MAT2B: variants seen among roughly 807,000 people sequenced by gnomAD.
MAT2B encodes the protein methionine adenosyltransferase 2 non-catalytic beta subunit, also known as methionine adenosyltransferase 2 subunit beta.
Under a neutral mutation model 36.1 loss-of-function variants are expected in MAT2B, and 16 were observed. That is an observed-to-expected ratio of 0.44 (90% confidence interval 0.30 to 0.67). The LOEUF is 0.67. MAT2B is among the 30% of genes least tolerant of loss of function. The pLI is 0.09. For synonymous variants in MAT2B, 148 were observed against 136.9 expected (o/e 1.08, Z -0.57); for missense variants, 332 against 398.2 (o/e 0.83, Z 1.42).
intron 4 of MAT2B, among the ~76,000 whole-genome samples, chr5:163,514,343 GTGTA>G (rs1368070573): frequency 2.6e-5 from 4 of 152,088 alleles, no homozygotes; most frequent in Non-Finnish European, 5.9e-5. Flanking sequence ...TGTGTTATAT[GTGTA>G]TGTATTTTGT....
At chr5:163,512,734 G>T (rs903401659) in intron 2 of MAT2B, 1 of 451,002 alleles carries the variant, frequency 2.2e-6, no homozygotes, top group African/African-American at 2.0e-5. Flanking sequence ...AGGCTGGAGT[G>T]CAGTGGTGCA....
chr5:163,503,383 A>G (rs1186604780), upstream of MAT2B: 1 of 1,613,886 alleles, frequency 6.2e-7, no homozygotes, highest in Admixed American at 1.7e-5. Context: ...CTCCTGAAAT[A>G]ATTCTGGAGT....
At chr5:163,511,844 G>T (rs1360283226) in intron 1 of MAT2B, among the ~76,000 whole-genome samples, 158 bp from the exon 2 acceptor site, 1 of 152,154 alleles carries the variant, frequency 6.6e-6, no homozygotes, top group African/African-American at 2.4e-5. Context: ...TGAGCCTGAT[G>T]CCCGACCCTA....
Position 163,513,882 on chromosome 5 carries a change from T to C in MAT2B, c.414T>C (p.Tyr138=), listed in dbSNP as rs755898060. 1.8e-5 allele frequency: 29 copies of C among 1,613,030 alleles called. No individual in the cohort carries two copies. The highest frequency in any genetic ancestry group is 1.9e-5 in the Non-Finnish European group (22 of 1,179,616). The change falls in exon 4 of 7, where the codon TAT becomes TAC. Residue 138 remains tyrosine (Y), a synonymous_variant. Transcript: ENST00000321757. ...TTCTCATCTACATTAGCTCAGATTA[T>C]GTATTTGATGGAACAAATCCACCTT... ...GAFLIYISSD[Y]VFDGTNPPYR...
At chr5:163,517,754 G>A (rs964433008) in intron 6 of MAT2B, 80 bp downstream of exon 6, 4 of 835,618 alleles carry the variant, frequency 4.8e-6, no homozygotes, top group Middle Eastern at 2.3e-4. Context: ...TCATTTCTCA[G>A]TACTAATCAA....
chr5:163,514,879 C>G (rs1436042101), intron 4 of MAT2B, among the ~76,000 whole-genome samples: 2 of 152,158 alleles, frequency 1.3e-5, no homozygotes, highest in Non-Finnish European at 2.9e-5. Flanking sequence ...TTTCGTGCTG[C>G]TATAACAGAA....
In MAT2B at chr5:163,517,592, C is replaced by A; in HGVS notation, c.752C>A (p.Ser251Tyr). ...DPSIKGTFHW[S>Y]GNEQMTKYEM... ...TCAATTAAGGGAACCTTTCACTGGT[C>A]TGGCAATGAACAGATGACTAAGTAT... The change falls in exon 6 of 7, where the codon TCT (serine) becomes TAT (tyrosine). Residue 251 changes from serine (S) to tyrosine (Y), a missense_variant. Ser to Tyr is a moderately radical substitution (Grantham distance 144). Coordinates refer to ENST00000321757, the MANE Select transcript of MAT2B (RefSeq NM_013283.5). The A allele has an allele frequency of 6.2e-7, 1 of 1,612,830 alleles. No individual in the cohort carries two copies. The highest frequency in any genetic ancestry group is 1.1e-5 in the South Asian group (1 of 91,028).
chr5:163,509,565 C>T (rs547806721), intron 1 of MAT2B, among the ~76,000 whole-genome samples: 13 of 152,206 alleles, frequency 8.5e-5, no homozygotes, highest in Non-Finnish European at 1.5e-4. Flanking sequence ...GCACGAGAAC[C>T]ACTGACCTTA....
At chr5:163,503,283 A>T (rs949543618), upstream of MAT2B, 4 of 898,630 alleles carry the variant, frequency 4.5e-6, no homozygotes, top group African/African-American at 6.7e-5. Context: ...GCTGCTCCTC[A>T]CGTTTTGGCG....
Position 163,505,649 on chromosome 5 carries a change from G to C in MAT2B, c.-38G>C. On this transcript the variant is annotated 5_prime_UTR_variant, in exon 1 of 7. Coordinates refer to ENST00000321757, the MANE Select transcript of MAT2B (RefSeq NM_013283.5). ...CCGCGTCGATCCTGGGTTGGAGGAG[G>C]TGGCGGCCGCTGAGGCTGCGGCGTG... is the stretch of plus-strand genomic sequence containing the variant. 7.9e-7 allele frequency: 1 copy of C among 1,262,084 alleles called. No homozygotes were observed. The highest frequency in any genetic ancestry group is 3.1e-5 in the East Asian group (1 of 32,594). The allele number at this position is 1,262,084 out of a possible 1,614,324, so 78.2% of individuals were successfully genotyped here.
Position 163,518,473 on chromosome 5 carries a change from G to T in MAT2B, c.*110G>T. 1.2e-6 allele frequency: 1 copy of T among 831,448 alleles called. No individual in the cohort carries two copies. The allele number at this position is 831,448 out of a possible 1,614,324, so 51.5% of individuals were successfully genotyped here. A position where few individuals can be genotyped will look rare whatever the true frequency, so the allele number is the denominator to read the frequency against. On this transcript the variant is annotated 3_prime_UTR_variant, in exon 7 of 7. Transcript: ENST00000321757. ...ATGAGTACTTTAATTGTGACTCTTAGGATCTTTCAGGTAAATGATGCTCTT... is the reference window on the plus strand; with the variant it reads ...ATGAGTACTTTAATTGTGACTCTTATGATCTTTCAGGTAAATGATGCTCTT...
At chr5:163,505,462 G>T (rs1759911035), upstream of MAT2B, 1 of 1,162,364 alleles carries the variant, frequency 8.6e-7, no homozygotes, top group Non-Finnish European at 1.1e-6. Context: ...TTTAAGCATC[G>T]GCGCGTGGGC....
intron 1 of MAT2B, among the ~76,000 whole-genome samples, chr5:163,508,124 A>C (rs1252553042): frequency 6.6e-6 from 1 of 152,242 alleles, no homozygotes; most frequent in East Asian, 1.9e-4. Context: ...ACTTGACCAG[A>C]GAAGCAAGAC....
At chr5:163,507,040 A>G (rs886261894) in intron 1 of MAT2B, among the ~76,000 whole-genome samples, 16 of 152,124 alleles carry the variant, frequency 1.1e-4, no homozygotes, top group African/African-American at 3.1e-4. Flanking sequence ...GACCAATCCC[A>G]CCTAAGTAGT....
intron 1 of MAT2B, among the ~76,000 whole-genome samples, chr5:163,509,528 C>T (rs1226653730): frequency 6.6e-6 from 1 of 152,098 alleles, no homozygotes; most frequent in African/African-American, 2.4e-5. Context: ...TCTAAAAGCC[C>T]TCCAGGTGAT....
chr5:163,503,307 T>C (rs539787211), upstream of MAT2B: 2 of 1,262,092 alleles, frequency 1.6e-6, no homozygotes, highest in East Asian at 2.3e-5. Context: ...CTGCGCTCTC[T>C]GCAGGCAGAA....
chr5:163,518,493 G>GCT lies in MAT2B; in HGVS notation c.*133_*134dup. On this transcript the variant is annotated 3_prime_UTR_variant, in exon 7 of 7. Transcript: ENST00000321757. ...TCTTAGGATCTTTCAGGTAAATGAT[G>GCT]CTCTTGCACTAGTGAAATTGTCTAA... 1.5e-6 allele frequency: 1 copy of GCT among 669,220 alleles called. No individual in the cohort carries two copies. The allele number at this position is 669,220 out of a possible 1,614,324, so 41.5% of individuals were successfully genotyped here.
In MAT2B at chr5:163,516,567, C is replaced by T. The variant is rs530512241; in HGVS notation, c.576C>T (p.Leu192=). The T allele has an allele frequency of 1.1e-5, 18 of 1,614,106 alleles. 1 individual carries two copies. In the South Asian group the frequency reaches 1.2e-4, roughly 11 times the overall value. The part of the protein sequence containing the change: ...IPILYGEVEK[L]EESAVTVMFD... Reference sequence around the variant, plus strand: ...TTCTGTATGGGGAAGTTGAAAAGCTCGAAGAAAGTGCTGTGACTGTTATGT... The same window carrying T: ...TTCTGTATGGGGAAGTTGAAAAGCTTGAAGAAAGTGCTGTGACTGTTATGT... Residue 192 remains leucine (L), a synonymous_variant, in exon 5 of 7, where the codon CTC becomes CTT. Coordinates refer to ENST00000321757, the MANE Select transcript of MAT2B (RefSeq NM_013283.5).
At position 163,512,099 on chromosome 5, in the gene MAT2B, A is replaced by G; in HGVS notation, c.161A>G (p.His54Arg). Residue 54 changes from histidine to arginine, a missense_variant, in exon 2 of 7, where the codon CAT becomes CGT. His to Arg is a conservative substitution (Grantham distance 29). Coordinates refer to ENST00000321757, the MANE Select transcript of MAT2B (RefSeq NM_013283.5). ...AAAGAATTTCAGCAGAATAATTGGC[A>G]TGCAGTTGGCTGTGGTTTCAGAAGA... ...VHKEFQQNNW[H>R]AVGCGFRRAR... 1 of 1,614,226 alleles carries G rather than the reference A, an allele frequency of 6.2e-7. No homozygotes were observed. The highest frequency in any genetic ancestry group is 8.5e-7 in the Non-Finnish European group (1 of 1,180,008).
Sources: allele counts gnomAD v4.1 joint callset (sites outside exome capture counted in the v4.1 genomes callset), GRCh38; gene constraint gnomAD v4.1.1; transcripts MANE v1.5; gene names NCBI Gene and HGNC (gene_info 2026-07-23, HGNC 2026-07-21).